TNNT2: variants seen among roughly 807,000 people sequenced by gnomAD.
TNNT2 encodes the protein troponin T, cardiac muscle.
A neutral mutation model predicts 62.4 loss-of-function variants in TNNT2; 34 were observed. The ratio of observed to expected loss-of-function variants is 0.54; its 90% CI spans 0.41 to 0.72. TNNT2 has a LOEUF of 0.72. Ranked by LOEUF, TNNT2 falls within the 30% of genes least tolerant of loss-of-function variation. The pLI is 0.00. For missense variants in TNNT2, 275 were observed against 381.9 expected (o/e 0.72, Z 2.33); for synonymous variants, 123 against 127.2 (o/e 0.97, Z 0.22).
rs397516455 is a variant in TNNT2, at chr1:201,365,617, T to G, written c.287A>C (p.Asp96Ala). The G allele has an allele frequency of 1.2e-6, 2 of 1,613,814 alleles. No homozygotes were observed. Among genetic ancestry groups the G allele is most frequent in the Non-Finnish European group, 1.7e-6 (2 of 1,179,956 alleles). The change falls in exon 9 of 17, where the codon GAC becomes GCC. Residue 96 changes from aspartate to alanine, a missense_variant. Transcript: ENST00000656932. Reference protein sequence around the residue: ...PPKIPDGERVDFDDIHRKRME... With the variant: ...PPKIPDGERVAFDDIHRKRME... ...CCCACAGCCACCGCTTACATCAAAG[T>G]CCACTCTCTCTCCATCGGGGATCTT...
At chr1:201,360,891 A>G (rs7521796) in intron 15 of TNNT2, 47,510 of 356,444 alleles carry the variant, frequency 0.13, 4,122 homozygotes, top group African/African-American at 0.28. Context: ...CCACACCAGG[A>G]CCTTGGGTGT....
At chr1:201,367,027 G>A (rs1197578848) in intron 7 of TNNT2, 156 bp from the exon 8 acceptor site, 11 of 1,245,562 alleles carry the variant, frequency 8.8e-6, no homozygotes, top group East Asian at 7.5e-5. Context: ...GAAGCATCCA[G>A]GAGAATGAAG....
At chr1:201,375,168 T>A (rs1386577920) in intron 1 of TNNT2, 1 of 152,228 alleles carries the variant, frequency 6.6e-6, no homozygotes, top group African/African-American at 2.4e-5. Flanking sequence ...AGGGCTCTGG[T>A]TGGGTGGGGT....
At position 201,364,349 on chromosome 1, in the gene TNNT2, C is replaced by A. The variant is rs141754300; in HGVS notation, c.438G>T (p.Glu146Asp). The change falls in exon 11 of 17, where the codon GAG becomes GAT. Residue 146 changes from glutamate (E) to aspartate (D), a missense_variant. Physicochemically the swap from Glu to Asp is conservative, Grantham distance 45. Transcript: ENST00000656932. ...CCCGCTCATTCCGGATGCGCTGCTGCTCGGCCCGCTCTGCCCGACGTCTCT... is the reference window on the plus strand; with the variant it reads ...CCCGCTCATTCCGGATGCGCTGCTGATCGGCCCGCTCTGCCCGACGTCTCT... ...RIERRRAERA[E>D]QQRIRNEREK... The A allele has an allele frequency of 1.2e-6, 2 of 1,613,234 alleles. No individual in the cohort carries two copies. Among genetic ancestry groups the A allele is most frequent in the Middle Eastern group, 3.3e-4 (2 of 6,062 alleles).
chr1:201,368,126 C>T, intron 6 of TNNT2, 36 bp downstream of exon 6: 1 of 1,608,652 alleles, frequency 6.2e-7, no homozygotes, highest in Non-Finnish European at 8.5e-7. Context: ...CTCTCGCCAC[C>T]CCCTGAGGCC....
chr1:201,374,691 G>C (rs1661137640), intron 1 of TNNT2: 1 of 152,218 alleles, frequency 6.6e-6, no homozygotes, highest in South Asian at 2.1e-4. Context: ...TTCTTGGGTA[G>C]GTGTGAGGAA....
In TNNT2 at chr1:201,359,169, G is replaced by A. The variant is rs1658110923; in HGVS notation, c.*41C>T. On this transcript the variant is annotated 3_prime_UTR_variant, in exon 17 of 17. Coordinates refer to ENST00000656932, the MANE Select transcript of TNNT2 (RefSeq NM_001276345.2). ...CTGGGGGAGTGCAGGCCGGAGGCAG[G>A]TGCGAGCGAGGAGCAGATCTTTGGT... is the stretch of plus-strand genomic sequence containing the variant. 2 of 1,595,958 alleles carry A rather than the reference G, an allele frequency of 1.3e-6. No homozygotes were observed. The highest frequency in any genetic ancestry group is 1.7e-6 in the Non-Finnish European group (2 of 1,172,416).
intron 16 of TNNT2, 132 bp downstream of exon 16, chr1:201,359,491 G>T: frequency 9.3e-7 from 1 of 1,071,476 alleles, no homozygotes; most frequent in South Asian, 1.4e-5. Flanking sequence ...AGCCAGAGAA[G>T]GAAACCTGTG....
chr1:201,367,209 G>T (rs1659825612), intron 7 of TNNT2: 1 of 453,766 alleles, frequency 2.2e-6, no homozygotes, highest in Non-Finnish European at 4.1e-6. Context: ...GTCCCCAAGG[G>T]TCCTGGCCCT....
At chr1:201,368,785 G>A (rs1477444823) in intron 5 of TNNT2, among the ~76,000 whole-genome samples, 3 of 152,300 alleles carry the variant, frequency 2.0e-5, no homozygotes, top group South Asian at 2.1e-4. Flanking sequence ...ACAGGATGCC[G>A]CCTGGCCTGG....
chr1:201,377,415 G>A (rs1372334783), intron 1 of TNNT2, among the ~76,000 whole-genome samples: 1 of 152,124 alleles, frequency 6.6e-6, no homozygotes, highest in Non-Finnish European at 1.5e-5. Flanking sequence ...GGCTACCATG[G>A]GATTCTCTCT....
At chr1:201,372,083 A>G in intron 3 of TNNT2, 42 bp from the exon 4 acceptor site, 1 of 1,614,080 alleles carries the variant, frequency 6.2e-7, no homozygotes, top group Non-Finnish European at 8.5e-7. Context: ...AAGAGAGAAG[A>G]GGTGGGTCAG....
intron 10 of TNNT2, 100 bp downstream of exon 10, chr1:201,365,091 G>A: frequency 9.8e-7 from 1 of 1,023,670 alleles, no homozygotes; most frequent in Non-Finnish European, 1.6e-6. Context: ...TGGGTTTGAG[G>A]CGCCGAGGAA....
intron 9 of TNNT2, 112 bp from the exon 10 acceptor site, chr1:201,365,419 C>A (rs1000921827): frequency 2.5e-6 from 3 of 1,219,262 alleles, no homozygotes; most frequent in African/African-American, 1.5e-5. Context: ...CAGGGCCTGG[C>A]GCCTGGCCAG....
At chr1:201,370,368 A>G (rs1042705555) in intron 4 of TNNT2, among the ~76,000 whole-genome samples, 28 of 152,202 alleles carry the variant, frequency 1.8e-4, no homozygotes, top group Non-Finnish European at 3.5e-4. Flanking sequence ...AGAAAGCCTC[A>G]TTGGAGAGCC....
At chr1:201,370,123 G>A (rs551048403) in intron 4 of TNNT2, among the ~76,000 whole-genome samples, 5 of 152,350 alleles carry the variant, frequency 3.3e-5, no homozygotes, top group East Asian at 1.9e-4. Context: ...TGCATAGAGC[G>A]CCCAGCAGGT....
At chr1:201,366,365 C>A (rs945577032) in intron 8 of TNNT2, 6 of 870,500 alleles carry the variant, frequency 6.9e-6, no homozygotes, top group Middle Eastern at 5.7e-4. Flanking sequence ...ATCCCCCAGC[C>A]CCCCCCAGCA....
chr1:201,363,051 G>A (rs1658980039), intron 12 of TNNT2: 3 of 908,558 alleles, frequency 3.3e-6, no homozygotes, highest in Admixed American at 6.2e-5. Context: ...GCCAGGCATG[G>A]GGGGCACCAT....
chr1:201,371,262 TGCCAAGC>T (rs1441305099), intron 4 of TNNT2, among the ~76,000 whole-genome samples: 3 of 152,180 alleles, frequency 2.0e-5, no homozygotes, highest in Non-Finnish European at 4.4e-5. Context: ...CATTTCCATG[TGCCAAGC>T]TCTCAGGAAG....
Sources: gnomAD v4.1 joint callset for allele counts (sites outside exome capture counted in the v4.1 genomes callset) on GRCh38, gnomAD v4.1.1 for gene constraint, MANE v1.5 for transcripts, NCBI Gene and HGNC (gene_info 2026-07-23, HGNC 2026-07-21) for gene names.